Variants in TMEM242 observed in about 807,000 individuals in gnomAD.
TMEM242 encodes the protein UPF0463 transmembrane protein C6orf35.
In TMEM242, 10 loss-of-function variants were observed where a neutral mutation model predicts 18.2. The ratio of observed to expected loss-of-function variants is 0.55; its 90% CI spans 0.34 to 0.93. TMEM242 has a LOEUF of 0.93. TMEM242 is among the 40% of genes least tolerant of loss of function. The probability of loss-of-function intolerance (pLI) is 0.02; values close to 1 mark genes in which losing one functional copy is unlikely to be tolerated. For synonymous variants in TMEM242, 57 were observed against 69.9 expected (o/e 0.81, Z 0.92); for missense variants, 186 against 175.5 (o/e 1.06, Z -0.34).
At position 157,290,482 on chromosome 6, in the gene TMEM242, C is replaced by A. The variant is rs587704635; in HGVS notation, c.*2419G>T. The stretch of plus-strand genomic sequence containing the variant: ...CCCAAGATAAAGACAGCAAAGAAGG[C>A]AAACTTGAAATTCCATCACATTTCC... On this transcript the variant is annotated 3_prime_UTR_variant, in exon 4 of 4. Transcript: ENST00000400788. The A allele has an allele frequency of 6.6e-6, 1 of 152,316 alleles. No individual in the cohort carries two copies. The highest frequency in any genetic ancestry group is 6.5e-5 in the Admixed American group (1 of 15,304). 9.4% of individuals were successfully genotyped at this position (152,316 alleles called of 1,614,324 possible). A position where few individuals can be genotyped will look rare whatever the true frequency, so the allele number is the denominator to read the frequency against.
chr6:157,289,611 T>C lies in TMEM242; in HGVS notation c.*3290A>G, dbSNP rs181173629. The C allele has an allele frequency of 2.0e-5, 3 of 152,348 alleles. No homozygotes were observed. In the East Asian group the frequency reaches 5.8e-4, roughly 29 times the overall value. 9.4% of individuals were successfully genotyped at this position (152,348 alleles called of 1,614,324 possible). A position where few individuals can be genotyped will look rare whatever the true frequency, so the allele number is the denominator to read the frequency against. On this transcript the variant is annotated 3_prime_UTR_variant, in exon 4 of 4. Transcript: ENST00000400788. ...ACCTTCCCCATAAACCAAGATTTAATCTTGGAGATTAAATGTTGCCCCAAG... is the reference window on the plus strand; with the variant it reads ...ACCTTCCCCATAAACCAAGATTTAACCTTGGAGATTAAATGTTGCCCCAAG...
chr6:157,300,080 G>T (rs1442243784), intron 3 of TMEM242: 6 of 711,786 alleles, frequency 8.4e-6, no homozygotes, highest in Non-Finnish European at 1.5e-5. Context: ...CGCTCCTGCC[G>T]AGCTCACTCT....
chr6:157,311,080 T>C (rs140679602), intron 3 of TMEM242, among the ~76,000 whole-genome samples: 1 of 14,554 alleles, frequency 6.9e-5, no homozygotes, highest in Non-Finnish European at 1.3e-4. Context: ...CCCAGTGTGC[T>C]CACACCTAGC....
chr6:157,319,955 A>C (rs1167960003), intron 2 of TMEM242, among the ~76,000 whole-genome samples: 4 of 152,250 alleles, frequency 2.6e-5, no homozygotes, highest in Non-Finnish European at 5.9e-5. Context: ...TCAATGAGTC[A>C]AGCCCGCAGA....
intron 3 of TMEM242, among the ~76,000 whole-genome samples, chr6:157,313,272 G>A (rs1554249680): frequency 7.0e-6 from 1 of 142,758 alleles, no homozygotes; most frequent in Non-Finnish European, 1.5e-5. Flanking sequence ...TCATCATAGT[G>A]TCCCAGTGTG....
At chr6:157,295,667 T>A (rs1432830365) in intron 3 of TMEM242, among the ~76,000 whole-genome samples, 5 of 152,188 alleles carry the variant, frequency 3.3e-5, no homozygotes, top group Admixed American at 6.5e-5. Context: ...CTGATTGTTT[T>A]CTTTCCTCTA....
At chr6:157,319,379 A>C (rs1554250587) in intron 2 of TMEM242, among the ~76,000 whole-genome samples, 3 of 152,240 alleles carry the variant, frequency 2.0e-5, no homozygotes, top group Non-Finnish European at 2.9e-5. Context: ...ATTTTCTCTC[A>C]TAGCACCTCA....
intron 3 of TMEM242, among the ~76,000 whole-genome samples, chr6:157,293,806 A>G (rs1168314121): frequency 6.6e-6 from 1 of 151,736 alleles, no homozygotes; most frequent in East Asian, 1.9e-4. Flanking sequence ...AATCATGGCT[A>G]ACTGCAGCCT....
chr6:157,302,423 C>T (rs782034857), intron 3 of TMEM242, among the ~76,000 whole-genome samples: 8 of 152,122 alleles, frequency 5.3e-5, no homozygotes, highest in East Asian at 1.9e-4. Context: ...AGACTCTTCG[C>T]GGGATGGCTA....
rs1409689298 is a variant in TMEM242, at chr6:157,290,718, T to C, written c.*2183A>G. The C allele has an allele frequency of 6.6e-6, 1 of 152,238 alleles. No individual in the cohort carries two copies. The allele number at this position is 152,238 out of a possible 1,614,324, so 9.4% of individuals were successfully genotyped here. On this transcript the variant is annotated 3_prime_UTR_variant, in exon 4 of 4. Transcript: ENST00000400788. ...TGAGTCATACTGCTTGTTTTCTTTT[T>C]AAATTTCCATCTGTGCATTACTTCA...
At chr6:157,304,042 C>T (rs1245434983) in intron 3 of TMEM242, among the ~76,000 whole-genome samples, 2 of 152,234 alleles carry the variant, frequency 1.3e-5, no homozygotes. Context: ...TAAATAACCC[C>T]AATCACATTT....
At position 157,291,723 on chromosome 6, in the gene TMEM242, G is replaced by C. The variant is rs1777687119; in HGVS notation, c.*1178C>G. 1 of 151,994 alleles carries C rather than the reference G, an allele frequency of 6.6e-6. No individual in the cohort carries two copies. The highest frequency in any genetic ancestry group is 2.4e-5 in the African/African-American group (1 of 41,406). 9.4% of individuals were successfully genotyped at this position (151,994 alleles called of 1,614,324 possible). On this transcript the variant is annotated 3_prime_UTR_variant, in exon 4 of 4. Coordinates refer to ENST00000400788, the MANE Select transcript of TMEM242 (RefSeq NM_018452.6). Reference sequence around the variant, plus strand: ...GAGAAAAGTATTACATTAAGTTCTTGTCATTTCATTTAAAAATCTCCCTTA... The same window carrying C: ...GAGAAAAGTATTACATTAAGTTCTTCTCATTTCATTTAAAAATCTCCCTTA...
At chr6:157,316,794 C>T (rs1778399855) in intron 3 of TMEM242, among the ~76,000 whole-genome samples, 1 of 152,098 alleles carries the variant, frequency 6.6e-6, no homozygotes, top group Non-Finnish European at 1.5e-5. Context: ...GAAGGTTGCT[C>T]GAGCCCAGGA....
chr6:157,310,546 G>GCCTCATCATAGTGCCCCAGTGTGCA (rs1777998211), intron 3 of TMEM242, among the ~76,000 whole-genome samples: 1 of 2,822 alleles, frequency 3.5e-4, no homozygotes, highest in Non-Finnish European at 7.9e-4. Context: ...CCCAGTGTGC[G>GCCTCATCATAGTGCCCCAGTGTGCA]CTCACCTAGC....
intron 3 of TMEM242, among the ~76,000 whole-genome samples, chr6:157,309,426 A>C (rs1233572700): frequency 6.6e-6 from 1 of 152,160 alleles, no homozygotes; most frequent in Non-Finnish European, 1.5e-5. Context: ...TCTGTCACCT[A>C]GGCTGGAGTG....
chr6:157,303,926 C>T (rs1411114602), intron 3 of TMEM242, among the ~76,000 whole-genome samples: 2 of 151,906 alleles, frequency 1.3e-5, no homozygotes, highest in Non-Finnish European at 2.9e-5. Context: ...AAATAGAGGG[C>T]CACAAAGAAT....
Position 157,317,895 on chromosome 6 carries a change from G to A in TMEM242, c.327+887C>T, listed in dbSNP as rs904386061. Among the ~76,000 whole-genome samples the A allele has an allele frequency of 2.0e-4, 30 of 152,040 alleles. 1 individual carries two copies. The highest frequency in any genetic ancestry group is 5.3e-4 in the African/African-American group (22 of 41,362). ...GACATCTGTTTTCATCAACTTTACCGCTGCCACCTATCTCAAACTACTGCC... is the reference window on the plus strand; with the variant it reads ...GACATCTGTTTTCATCAACTTTACCACTGCCACCTATCTCAAACTACTGCC... On this transcript the variant is annotated intron_variant, in intron 3 of 3. Transcript: ENST00000400788.
intron 3 of TMEM242, among the ~76,000 whole-genome samples, chr6:157,313,416 T>A (rs1778272442): frequency 5.7e-5 from 2 of 34,900 alleles, no homozygotes; most frequent in African/African-American, 9.7e-5. Flanking sequence ...GTGTCCAGTG[T>A]GCGCTCACCT....
intron 3 of TMEM242, among the ~76,000 whole-genome samples, chr6:157,303,628 G>A (rs1450971041): frequency 6.6e-6 from 1 of 152,150 alleles, no homozygotes; most frequent in African/African-American, 2.4e-5. Context: ...TCAGCACACA[G>A]AACCCTTGGT....
Sources: allele counts gnomAD v4.1 joint callset (sites outside exome capture counted in the v4.1 genomes callset), GRCh38; gene constraint gnomAD v4.1.1; transcripts MANE v1.5; gene names NCBI Gene and HGNC (gene_info 2026-07-23, HGNC 2026-07-21).